The following CADM1 variants were observed in gnomAD, a reference collection of about 807,000 sequenced individuals.
CADM1 encodes the protein cell adhesion molecule 1.
A neutral mutation model predicts 53.1 loss-of-function variants in CADM1; 15 were observed. The observed-to-expected ratio is 0.28, with a 90% confidence interval of 0.19 to 0.44. The LOEUF is 0.44. CADM1 is among the 20% of genes least tolerant of loss of function. The pLI, the probability that CADM1 is intolerant of heterozygous loss-of-function variation, is 1.00. For synonymous variants in CADM1, 281 were observed against 243.0 expected (o/e 1.16, Z -1.45); for missense variants, 434 against 611.3 (o/e 0.71, Z 3.06).
At chr11:115,490,985 C>T (rs1022723177) in intron 1 of CADM1, among the ~76,000 whole-genome samples, 1 of 152,082 alleles carries the variant, frequency 6.6e-6, no homozygotes, top group Non-Finnish European at 1.5e-5. Context: ...ATAACTGGAA[C>T]ATCCGGACTG....
chr11:115,405,530 G>C (rs1285437694), intron 1 of CADM1, among the ~76,000 whole-genome samples: 1 of 152,112 alleles, frequency 6.6e-6, no homozygotes, highest in Non-Finnish European at 1.5e-5. Context: ...ATATAAGAAT[G>C]GTCATCCTTT....
chr11:115,221,573 A>G (rs11825649), intron 5 of CADM1, among the ~76,000 whole-genome samples: 1 of 152,180 alleles, frequency 6.6e-6, no homozygotes, highest in Admixed American at 6.5e-5. Context: ...TTGCTGGCAG[A>G]TTACAATTGA....
chr11:115,238,108 G>T (rs188616610), intron 3 of CADM1, among the ~76,000 whole-genome samples: 2 of 152,146 alleles, frequency 1.3e-5, no homozygotes, highest in Non-Finnish European at 2.9e-5. Flanking sequence ...AAATCATTAC[G>T]TGGATTTCAT....
chr11:115,296,998 G>C (rs182649152), intron 1 of CADM1, among the ~76,000 whole-genome samples: 144 of 152,254 alleles, frequency 9.5e-4, no homozygotes, highest in Non-Finnish European at 1.4e-3. Context: ...TCAGTGTTTA[G>C]CAGATTGCAG....
At chr11:115,305,986 A>C (rs1394184529) in intron 1 of CADM1, among the ~76,000 whole-genome samples, 2 of 150,608 alleles carry the variant, frequency 1.3e-5, no homozygotes, top group African/African-American at 4.9e-5. Context: ...ATTCCTACAC[A>C]TTTTCCTATA....
chr11:115,411,510 C>G (rs1156853350), intron 1 of CADM1, among the ~76,000 whole-genome samples: 1 of 152,150 alleles, frequency 6.6e-6, no homozygotes, highest in East Asian at 1.9e-4. Context: ...GAGAGCCTTA[C>G]TACAATCTGC....
At position 115,198,433 on chromosome 11, in the gene CADM1, T is replaced by A. The variant is rs746455219; in HGVS notation, c.1084A>T (p.Thr362Ser). 2.5e-6 allele frequency: 4 copies of A among 1,595,712 alleles called. No homozygotes were observed. The highest frequency in any genetic ancestry group is 3.4e-6 in the Non-Finnish European group (4 of 1,178,650). ...TTILTIITDT[T>S]ATTEPAVHGL... is the part of the protein sequence containing the mutation. ...TGAACTGCTGGTTCTGTCGTCGCCGTTGTGTCTACAGACGGGAACAGAGGA... is the reference window on the plus strand; with the variant it reads ...TGAACTGCTGGTTCTGTCGTCGCCGATGTGTCTACAGACGGGAACAGAGGA... Residue 362 changes from threonine (T) to serine (S), a missense_variant, in exon 9 of 12, where the codon ACG becomes TCG. Thr to Ser is a moderately conservative substitution (Grantham distance 58). Coordinates refer to ENST00000331581, the MANE Select transcript of CADM1 (RefSeq NM_001301043.2).
At chr11:115,188,084 C>T (rs1365881505) in intron 10 of CADM1, among the ~76,000 whole-genome samples, 1 of 152,174 alleles carries the variant, frequency 6.6e-6, no homozygotes, top group African/African-American at 2.4e-5. Context: ...TACCACCTCA[C>T]TCCACTAAAC....
At chr11:115,343,816 T>C (rs1197852975) in intron 1 of CADM1, among the ~76,000 whole-genome samples, 1 of 151,862 alleles carries the variant, frequency 6.6e-6, no homozygotes, top group Non-Finnish European at 1.5e-5. Flanking sequence ...ACCTATTATC[T>C]CTGTGATATT....
intron 1 of CADM1, among the ~76,000 whole-genome samples, chr11:115,379,320 T>C (rs1946518412): frequency 6.6e-6 from 1 of 152,214 alleles, no homozygotes; most frequent in Non-Finnish European, 1.5e-5. Flanking sequence ...AAAACTCGTT[T>C]ATCTTCAATT....
intron 1 of CADM1, 29 bp from the exon 2 acceptor site, chr11:115,240,449 G>T: frequency 6.2e-7 from 1 of 1,612,094 alleles, no homozygotes; most frequent in Non-Finnish European, 8.5e-7. Flanking sequence ...AAGGTCAGAG[G>T]AAAATTTCCA....
At chr11:115,308,120 TAA>T (rs1944425193) in intron 1 of CADM1, among the ~76,000 whole-genome samples, 1 of 148,338 alleles carries the variant, frequency 6.7e-6, no homozygotes, top group South Asian at 2.2e-4. Flanking sequence ...ATGATTCCTG[TAA>T]AAGACACAAA....
chr11:115,264,383 A>G (rs1299445585), intron 1 of CADM1, among the ~76,000 whole-genome samples: 8 of 152,238 alleles, frequency 5.3e-5, no homozygotes, highest in Non-Finnish European at 1.2e-4. Context: ...GAAAAAACAA[A>G]CATTCAAAAA....
At chr11:115,433,837 C>T (rs184695887) in intron 1 of CADM1, among the ~76,000 whole-genome samples, 1 of 152,216 alleles carries the variant, frequency 6.6e-6, no homozygotes, top group East Asian at 1.9e-4. Flanking sequence ...TTTTAGGATG[C>T]CTTTTATGTT....
intron 1 of CADM1, among the ~76,000 whole-genome samples, chr11:115,422,438 CAAG>C (rs1313766252): frequency 1.3e-5 from 2 of 152,184 alleles, no homozygotes; most frequent in East Asian, 1.9e-4. Flanking sequence ...GCTCCATCTT[CAAG>C]AAGATGATCT....
chr11:115,175,122 TTTGA>T lies in CADM1; in HGVS notation c.*1348_*1351del. On this transcript the variant is annotated 3_prime_UTR_variant, in exon 12 of 12. Coordinates refer to ENST00000331581, the MANE Select transcript of CADM1 (RefSeq NM_001301043.2). ...AAGATAAAAACACTCACATTTGAGT[TTTGA>T]TTAAGTAACTGAAAATCCGTACATG... 1 of 985,820 alleles carries T rather than the reference TTTGA, an allele frequency of 1.0e-6. No homozygotes were observed. The highest frequency in any genetic ancestry group is 4.7e-5 in the South Asian group (1 of 21,282). 61.1% of individuals were successfully genotyped at this position (985,820 alleles called of 1,614,324 possible).
rs779557587 is a variant in CADM1, at chr11:115,229,274, G to T, written c.563-3C>A. 4.3e-6 allele frequency: 7 copies of T among 1,613,966 alleles called. No homozygotes were observed. The highest frequency in any genetic ancestry group is 5.9e-6 in the Non-Finnish European group (7 of 1,179,882). ...CCACTCTTCCACCTCCGATTTGCCT[G>T]GGGAACAGAAAATGTACCAAGACAC... On this transcript the variant is annotated splice_polypyrimidine_tract_variant and splice_region_variant and intron_variant, in intron 4 of 11. Transcript: ENST00000331581.
chr11:115,302,703 G>T (rs1002276087), intron 1 of CADM1, among the ~76,000 whole-genome samples: 6 of 152,156 alleles, frequency 3.9e-5, no homozygotes, highest in Middle Eastern at 3.4e-3. Flanking sequence ...AAACCTGATA[G>T]AATATAGGTA....
intron 1 of CADM1, among the ~76,000 whole-genome samples, chr11:115,351,845 G>C (rs547121867): frequency 6.6e-6 from 1 of 152,274 alleles, no homozygotes; most frequent in South Asian, 2.1e-4. Context: ...CAAGAAAGTA[G>C]TGAATGAAGT....
Sources: allele counts gnomAD v4.1 joint callset (sites outside exome capture counted in the v4.1 genomes callset), GRCh38; gene constraint gnomAD v4.1.1; transcripts MANE v1.5; gene names NCBI Gene and HGNC (gene_info 2026-07-23, HGNC 2026-07-21).